RFX4: variants seen among roughly 807,000 people sequenced by gnomAD.
RFX4 encodes regulatory factor X4, also known as transcription factor RFX4.
A neutral mutation model predicts 95.0 loss-of-function variants in RFX4; 10 were observed. That is an observed-to-expected ratio of 0.11 (90% confidence interval 0.06 to 0.18). RFX4 has a LOEUF of 0.18. Ranked by LOEUF, RFX4 falls within the 10% of genes least tolerant of loss-of-function variation. The pLI, the probability that RFX4 is intolerant of heterozygous loss-of-function variation, is 1.00. For missense variants in RFX4, 640 were observed against 922.0 expected (o/e 0.69, Z 3.96); for synonymous variants, 321 against 340.7 (o/e 0.94, Z 0.64).
chr12:106,699,825 A>G (rs955706935), intron 8 of RFX4, among the ~76,000 whole-genome samples: 1 of 151,298 alleles, frequency 6.6e-6, no homozygotes, highest in Non-Finnish European at 1.5e-5. Context: ...TTTCTTTTTT[A>G]TTGTCTGGCA....
chr12:106,711,019 T>G (rs1356734160), intron 9 of RFX4, among the ~76,000 whole-genome samples: 4 of 152,208 alleles, frequency 2.6e-5, no homozygotes, highest in African/African-American at 9.6e-5. Flanking sequence ...CACACACCGC[T>G]GAGGCTCAAT....
intron 4 of RFX4, among the ~76,000 whole-genome samples, chr12:106,676,271 T>C (rs1882542): frequency 6.6e-6 from 1 of 151,794 alleles, no homozygotes; most frequent in Non-Finnish European, 1.5e-5. Context: ...AGAGAGAGTT[T>C]AAGGTAGAAG....
At chr12:106,599,479 GA>G (rs2039668340) in intron 1 of RFX4, among the ~76,000 whole-genome samples, 1 of 72,400 alleles carries the variant, frequency 1.4e-5, no homozygotes, top group Non-Finnish European at 2.8e-5. Flanking sequence ...CTGTGATGAT[GA>G]TGATGATGAT....
chr12:106,715,332 TA>T, intron 10 of RFX4, 67 bp from the exon 11 acceptor site: 1 of 1,544,734 alleles, frequency 6.5e-7, no homozygotes, highest in Non-Finnish European at 8.8e-7. Context: ...TAACAAGGCA[TA>T]AAAGGAAATA....
At chr12:106,614,477 C>CTGTGTG (rs34226201) in intron 2 of RFX4, among the ~76,000 whole-genome samples, 26,180 of 127,550 alleles carry the variant, frequency 0.21, 2,868 homozygotes, top group East Asian at 0.35. Flanking sequence ...CGTCTTTTGC[C>CTGTGTG]TGTGTGTGTG....
intron 3 of RFX4, among the ~76,000 whole-genome samples, chr12:106,650,091 A>G (rs974451439): frequency 2.0e-5 from 3 of 152,244 alleles, no homozygotes; most frequent in African/African-American, 7.2e-5. Flanking sequence ...CTAGAGGTAC[A>G]GAGCAAACTT....
At chr12:106,622,404 A>G (rs1316574123) in intron 2 of RFX4, among the ~76,000 whole-genome samples, 1 of 152,036 alleles carries the variant, frequency 6.6e-6, no homozygotes, top group East Asian at 1.9e-4. Flanking sequence ...ATTGTTAAGC[A>G]AAATTGTATA....
At chr12:106,666,455 A>G (rs2041178035) in intron 4 of RFX4, among the ~76,000 whole-genome samples, 1 of 152,086 alleles carries the variant, frequency 6.6e-6, no homozygotes, top group South Asian at 2.1e-4. Flanking sequence ...GGTGTCTGAC[A>G]TTAATTTGAG....
intron 5 of RFX4, among the ~76,000 whole-genome samples, chr12:106,685,072 G>A (rs2041613722): frequency 1.3e-5 from 2 of 152,142 alleles, no homozygotes; most frequent in African/African-American, 4.8e-5. Context: ...AATATGTTGT[G>A]CGGTGTTTCT....
chr12:106,617,052 G>A (rs1034415191), intron 2 of RFX4, among the ~76,000 whole-genome samples: 1 of 152,106 alleles, frequency 6.6e-6, no homozygotes, highest in African/African-American at 2.4e-5. Flanking sequence ...ACAGGTGTGA[G>A]CCACTGTGCC....
intron 13 of RFX4, among the ~76,000 whole-genome samples, chr12:106,727,177 T>C (rs1052068718): frequency 3.9e-5 from 6 of 152,192 alleles, no homozygotes; most frequent in Admixed American, 3.3e-4. Flanking sequence ...CCAAAAATCC[T>C]AGTAGGAAAA....
At chr12:106,660,280 A>G (rs1357403640) in intron 4 of RFX4, among the ~76,000 whole-genome samples, 1 of 151,918 alleles carries the variant, frequency 6.6e-6, no homozygotes, top group Non-Finnish European at 1.5e-5. Context: ...GCAAGATTGG[A>G]AGGGCACAGG....
chr12:106,617,773 C>T (rs1185256892), intron 2 of RFX4, among the ~76,000 whole-genome samples: 2 of 152,118 alleles, frequency 1.3e-5, no homozygotes, highest in African/African-American at 4.8e-5. Flanking sequence ...GTCACACAGG[C>T]TGGAGTGCAG....
chr12:106,716,268 A>G (rs2042289405), intron 11 of RFX4, among the ~76,000 whole-genome samples: 1 of 152,070 alleles, frequency 6.6e-6, no homozygotes, highest in African/African-American at 2.4e-5. Context: ...CTCCATAATT[A>G]GAGAACATCA....
intron 6 of RFX4, among the ~76,000 whole-genome samples, chr12:106,687,549 C>CA (rs34562413): frequency 0.012 from 909 of 73,542 alleles, 6 homozygotes; most frequent in East Asian, 0.03. Context: ...AACTCCATCT[C>CA]AAAAAAAAAA....
intron 1 of RFX4, among the ~76,000 whole-genome samples, chr12:106,589,733 G>A (rs548399261): frequency 6.6e-6 from 1 of 152,302 alleles, no homozygotes; most frequent in Admixed American, 6.5e-5. Context: ...TTGGTGAGAA[G>A]GGAAACAGAT....
At chr12:106,655,771 G>C (rs946659262) in intron 4 of RFX4, among the ~76,000 whole-genome samples, 3 of 152,174 alleles carry the variant, frequency 2.0e-5, no homozygotes, top group Non-Finnish European at 4.4e-5. Flanking sequence ...GGGGGATGTT[G>C]CAAGAGTCAA....
rs140336819 is a variant in RFX4, at chr12:106,679,036, C to T, written c.316-2957C>T. Among the ~76,000 whole-genome samples, 1,143 of 152,258 alleles carry T rather than the reference C, an allele frequency of 7.5e-3. 4 individuals are homozygous for T. The highest frequency in any genetic ancestry group is 0.012 in the Non-Finnish European group (850 of 68,012). On this transcript the variant is annotated intron_variant, in intron 4 of 17. Transcript: ENST00000392842. ...TATGGCTTCCTATGTATTTTAAAAA[C>T]GCTCTGGGGAAGGGTTGTGCTAATA...
At chr12:106,685,672 A>G (rs904348761) in intron 5 of RFX4, among the ~76,000 whole-genome samples, 3 of 152,230 alleles carry the variant, frequency 2.0e-5, no homozygotes, top group African/African-American at 7.2e-5. Flanking sequence ...CAAAGTTTAT[A>G]AGACTATCTT....
Sources: gnomAD v4.1 joint callset for allele counts (sites outside exome capture counted in the v4.1 genomes callset) on GRCh38, gnomAD v4.1.1 for gene constraint, MANE v1.5 for transcripts, NCBI Gene and HGNC (gene_info 2026-07-23, HGNC 2026-07-21) for gene names.